Variants in CATSPERE observed in about 807,000 individuals in gnomAD.
The protein encoded by CATSPERE is cation channel sperm-associated auxiliary subunit epsilon.
CATSPERE carries 93 observed loss-of-function variants against 114.1 expected under a neutral mutation model. The ratio of observed to expected loss-of-function variants is 0.81; its 90% CI spans 0.69 to 0.97. The LOEUF (loss-of-function observed/expected upper bound fraction) is 0.97, where lower values mean the gene tolerates loss of function less well. CATSPERE is among the 50% of genes least tolerant of loss of function. The pLI, the probability that CATSPERE is intolerant of heterozygous loss-of-function variation, is 0.00. For missense variants in CATSPERE, 1,058 were observed against 1,131.6 expected (o/e 0.93, Z 0.93); for synonymous variants, 341 against 384.1 (o/e 0.89, Z 1.31).
intron 19 of CATSPERE, among the ~76,000 whole-genome samples, chr1:244,616,388 A>C (rs1671403206): frequency 6.6e-6 from 1 of 152,200 alleles, no homozygotes; most frequent in Non-Finnish European, 1.5e-5. Context: ...ACGTAGAAAA[A>C]AGAAAATACC....
chr1:244,609,302 T>A (rs1252227280), intron 18 of CATSPERE, among the ~76,000 whole-genome samples: 1 of 152,070 alleles, frequency 6.6e-6, no homozygotes, highest in Admixed American at 6.6e-5. Flanking sequence ...ATGGTAAAAA[T>A]TTGAAAACTT....
intron 19 of CATSPERE, among the ~76,000 whole-genome samples, chr1:244,615,950 TAAAAAAAAAA>T (rs35945015): frequency 8.6e-6 from 1 of 115,824 alleles, no homozygotes; most frequent in Non-Finnish European, 1.7e-5. Context: ...CCCCATCTCC[TAAAAAAAAAA>T]AAAAAAAAAA....
Position 244,518,628 on chromosome 1 carries a change from G to C in CATSPERE, c.466G>C (p.Gly156Arg), listed in dbSNP as rs572782580. ...IVLSTQMATL[G>R]QKPVIHTVLK... Reference sequence around the variant, plus strand: ...ACTCAGCACACAGATGGCCACATTGGGACAGAAGCCTGTCATACATACAGT... The same window carrying C: ...ACTCAGCACACAGATGGCCACATTGCGACAGAAGCCTGTCATACATACAGT... The change falls in exon 8 of 22, where the codon GGA becomes CGA. Residue 156 changes from glycine (G) to arginine (R), a missense_variant. Physicochemically the swap from Gly to Arg is moderately radical, Grantham distance 125 (BLOSUM62 -2). Around this residue, in one of 2 missense-constraint regions of CATSPERE, gnomAD observed 271 missense variants for 225.9 expected, o/e 1.20. Transcript: ENST00000366534. The C allele has an allele frequency of 6.2e-7, 1 of 1,601,122 alleles. No individual in the cohort carries two copies. The highest frequency in any genetic ancestry group is 1.1e-5 in the South Asian group (1 of 89,704).
At chr1:244,631,289 T>A (rs370111879) in intron 20 of CATSPERE, among the ~76,000 whole-genome samples, 7 of 151,426 alleles carry the variant, frequency 4.6e-5, no homozygotes, top group South Asian at 2.1e-4. Context: ...ATCTCTAAAA[T>A]AAAAAAAAGG....
chr1:244,460,336 A>G (rs1460771214), upstream of CATSPERE, among the ~76,000 whole-genome samples: 4 of 152,160 alleles, frequency 2.6e-5, no homozygotes, highest in Non-Finnish European at 1.5e-5. Context: ...GAGAGATTTT[A>G]CAGACCCTGC....
intron 8 of CATSPERE, among the ~76,000 whole-genome samples, chr1:244,542,919 C>T (rs1224411136): frequency 6.6e-6 from 1 of 152,272 alleles, no homozygotes; most frequent in Non-Finnish European, 1.5e-5. Flanking sequence ...TGAGGTATCA[C>T]CTCATACCTA....
chr1:244,529,032 G>A (rs1417664878), intron 8 of CATSPERE, among the ~76,000 whole-genome samples: 1 of 152,072 alleles, frequency 6.6e-6, no homozygotes, highest in Non-Finnish European at 1.5e-5. Flanking sequence ...TGGCTAAATA[G>A]TACTCCATTG....
intron 7 of CATSPERE, among the ~76,000 whole-genome samples, chr1:244,507,766 G>A (rs1322266115): frequency 6.6e-6 from 1 of 152,036 alleles, no homozygotes; most frequent in Non-Finnish European, 1.5e-5. Flanking sequence ...TGTTCTTGGT[G>A]CCTTTGTCAA....
chr1:244,498,692 G>A (rs961441630), intron 6 of CATSPERE, among the ~76,000 whole-genome samples: 7 of 152,182 alleles, frequency 4.6e-5, no homozygotes, highest in Admixed American at 1.3e-4. Context: ...GAGGTCAGGA[G>A]TTTGAGACCA....
upstream of CATSPERE, among the ~76,000 whole-genome samples, chr1:244,454,004 G>A (rs1343257677): frequency 6.6e-6 from 1 of 152,210 alleles, no homozygotes; most frequent in East Asian, 1.9e-4. Flanking sequence ...GTTTGGAAGG[G>A]ATACTCCCGG....
chr1:244,557,207 T>C (rs1320479195), intron 9 of CATSPERE, among the ~76,000 whole-genome samples: 1 of 152,022 alleles, frequency 6.6e-6, no homozygotes, highest in Non-Finnish European at 1.5e-5. Flanking sequence ...CTCAGGGTCT[T>C]TCATGGTTCC....
intron 2 of CATSPERE, among the ~76,000 whole-genome samples, chr1:244,474,475 A>G (rs980040140): frequency 6.6e-6 from 1 of 151,662 alleles, no homozygotes; most frequent in Non-Finnish European, 1.5e-5. Flanking sequence ...TTATTCTTTA[A>G]TTATAGAATA....
intron 10 of CATSPERE, among the ~76,000 whole-genome samples, chr1:244,563,022 A>G (rs1383112253): frequency 1.3e-5 from 2 of 152,126 alleles, no homozygotes; most frequent in South Asian, 2.1e-4. Flanking sequence ...GCTGAGAATG[A>G]TGGTTTCCAG....
intron 18 of CATSPERE, among the ~76,000 whole-genome samples, chr1:244,606,934 G>A (rs1189419245): frequency 2.2e-4 from 34 of 151,808 alleles, no homozygotes; most frequent in Admixed American, 2.1e-3. Context: ...AAATACATCC[G>A]TCCCACCACA....
intron 17 of CATSPERE, among the ~76,000 whole-genome samples, chr1:244,599,218 G>C (rs1183086407): frequency 6.6e-6 from 1 of 152,094 alleles, no homozygotes; most frequent in Non-Finnish European, 1.5e-5. Flanking sequence ...CTGAACCCCA[G>C]ACTGACACCT....
In CATSPERE at chr1:244,568,994, G is replaced by A. The variant is rs924662420; in HGVS notation, c.1508-3336G>A. ...GTGCTTGAAACCCAGCGCCCTGGTG[G>A]TGTAGTAACCTGAGGGAGTCTCCTG... On this transcript the variant is annotated intron_variant, in intron 10 of 21. Coordinates refer to ENST00000366534, the MANE Select transcript of CATSPERE (RefSeq NM_001130957.2). This position sits in a 1 kb window ranked among gnomAD's most constrained non-coding sequence, Gnocchi z 4.4. Among the ~76,000 whole-genome samples, 2 of 152,224 alleles carry A rather than the reference G, an allele frequency of 1.3e-5. No homozygotes were observed. Among genetic ancestry groups the A allele is most frequent in the African/African-American group, 4.8e-5 (2 of 41,460 alleles).
At chr1:244,602,670 G>A (rs936835228) in intron 17 of CATSPERE, among the ~76,000 whole-genome samples, 10 of 152,156 alleles carry the variant, frequency 6.6e-5, no homozygotes, top group African/African-American at 2.2e-4. Context: ...AGTCTATCAC[G>A]CTCCAATCCC....
At chr1:244,545,889 C>A (rs1659673190) in intron 8 of CATSPERE, among the ~76,000 whole-genome samples, 1 of 152,204 alleles carries the variant, frequency 6.6e-6, no homozygotes, top group African/African-American at 2.4e-5. Flanking sequence ...TCTTCTTTCT[C>A]CCCATTTGCA....
chr1:244,606,673 T>C lies in CATSPERE; in HGVS notation c.2403+879T>C, dbSNP rs180807025. Among the ~76,000 whole-genome samples, 370 of 149,990 alleles carry C rather than the reference T, an allele frequency of 2.5e-3. 5 individuals carry two copies. Among genetic ancestry groups the C allele is most frequent in the East Asian group, 0.014 (71 of 5,092 alleles). ...CTGGAGTGCAGTGGTGCAGTCTCAG[T>C]TCACTGCAACCTCCACCTCCTGGGC... On this transcript the variant is annotated intron_variant, in intron 18 of 21. Transcript: ENST00000366534.
Sources: allele counts gnomAD v4.1 joint callset (sites outside exome capture counted in the v4.1 genomes callset), GRCh38; gene constraint gnomAD v4.1.1; regional missense constraint gnomAD v4.1.1; non-coding constraint Gnocchi (gnomAD v3.1); transcripts MANE v1.5; gene names NCBI Gene and HGNC (gene_info 2026-07-23, HGNC 2026-07-21).